CDYL2: variants seen among roughly 807,000 people sequenced by gnomAD.
The protein encoded by CDYL2 is chromodomain Y-like protein 2.
In CDYL2, 23 loss-of-function variants were observed where a neutral mutation model predicts 49.4. The ratio of observed to expected loss-of-function variants is 0.47; its 90% CI spans 0.34 to 0.66. The LOEUF (loss-of-function observed/expected upper bound fraction) is 0.66, where lower values mean the gene tolerates loss of function less well. CDYL2 is among the 30% of genes least tolerant of loss of function. CDYL2 has a pLI of 0.01. For synonymous variants in CDYL2, 360 were observed against 268.8 expected, an observed-to-expected ratio of 1.34 and a Z score of -3.32; for missense variants, 678 against 656.4, an observed-to-expected ratio of 1.03 and a Z score of -0.36.
chr16:80,699,830 G>C (rs11644727), intron 1 of CDYL2, among the ~76,000 whole-genome samples: 43,845 of 151,914 alleles, frequency 0.29, 7,923 homozygotes, highest in Middle Eastern at 0.51. Flanking sequence ...AGGTTGAAAG[G>C]TATGTGGAAA....
At chr16:80,651,575 G>A (rs899857271) in intron 2 of CDYL2, among the ~76,000 whole-genome samples, 1 of 152,126 alleles carries the variant, frequency 6.6e-6, no homozygotes, top group Non-Finnish European at 1.5e-5. Flanking sequence ...CACAGAGAGC[G>A]AATTTAAAAG....
rs570107004 is a variant in CDYL2 at position 80,670,478 on chromosome 16, G to A, written c.616+14060C>T. ...GAGGCCTCCACAGCCCTGGGGAACC[G>A]TGAGTCAATTAAACCTCTTTCCTTT... On this transcript the variant is annotated intron_variant, in intron 2 of 6. Coordinates refer to ENST00000570137, the MANE Select transcript of CDYL2 (RefSeq NM_152342.4). Among the ~76,000 whole-genome samples the A allele has an allele frequency of 2.2e-3, 341 of 152,226 alleles. 2 individuals carry two copies. Among genetic ancestry groups the A allele is most frequent in the African/African-American group, 7.8e-3 (324 of 41,536 alleles).
At chr16:80,625,479 T>A (rs1207766231) in intron 3 of CDYL2, among the ~76,000 whole-genome samples, 1 of 152,216 alleles carries the variant, frequency 6.6e-6, no homozygotes, top group Non-Finnish European at 1.5e-5. Flanking sequence ...TAATTGTATA[T>A]CTGAAACCTT....
chr16:80,736,299 C>T (rs1414739569), intron 1 of CDYL2: 1 of 152,230 alleles, frequency 6.6e-6, no homozygotes, highest in Non-Finnish European at 1.5e-5. Context: ...CGATACGTAA[C>T]CATCATGCAC....
intron 5 of CDYL2, among the ~76,000 whole-genome samples, chr16:80,610,806 G>C (rs1445176973): frequency 2.0e-5 from 3 of 152,106 alleles, no homozygotes; most frequent in African/African-American, 7.2e-5. Flanking sequence ...GTCACCTAAG[G>C]GGTGCTTCTC....
intron 2 of CDYL2, among the ~76,000 whole-genome samples, chr16:80,640,096 T>C (rs1035378903): frequency 6.6e-6 from 1 of 152,102 alleles, no homozygotes; most frequent in African/African-American, 2.4e-5. Flanking sequence ...CCAGAGCCAG[T>C]AGACTCAGGG....
At chr16:80,677,349 T>C (rs1448006925) in intron 2 of CDYL2, among the ~76,000 whole-genome samples, 1 of 152,206 alleles carries the variant, frequency 6.6e-6, no homozygotes, top group Non-Finnish European at 1.5e-5. Flanking sequence ...TATTTCTCTA[T>C]GGAAGTGATG....
At chr16:80,630,539 A>G (rs1161050760) in intron 3 of CDYL2, among the ~76,000 whole-genome samples, 3 of 152,184 alleles carry the variant, frequency 2.0e-5, no homozygotes, top group Non-Finnish European at 2.9e-5. Flanking sequence ...CAGGTGTATA[A>G]ACATATGAAG....
chr16:80,608,336 G>C, intron 5 of CDYL2, 101 bp from the exon 6 acceptor site: 1 of 1,301,204 alleles, frequency 7.7e-7, no homozygotes, highest in South Asian at 1.6e-5. Flanking sequence ...AGTTCTGGAA[G>C]GCATCTTGCC....
At chr16:80,619,573 T>C (rs772313195) in intron 4 of CDYL2, among the ~76,000 whole-genome samples, 3 of 152,114 alleles carry the variant, frequency 2.0e-5, no homozygotes, top group Admixed American at 1.3e-4. Context: ...ACGCTGGAAA[T>C]CCTGTGGTCC....
intron 1 of CDYL2, among the ~76,000 whole-genome samples, chr16:80,697,585 G>A (rs1360192067): frequency 6.6e-6 from 1 of 152,084 alleles, no homozygotes; most frequent in Non-Finnish European, 1.5e-5. Flanking sequence ...AATTTCACAA[G>A]ATAAAGAAAT....
At chr16:80,657,123 C>A (rs376772238) in intron 2 of CDYL2, among the ~76,000 whole-genome samples, 2 of 152,278 alleles carry the variant, frequency 1.3e-5, no homozygotes, top group South Asian at 4.2e-4. Flanking sequence ...AGACAGCTCA[C>A]GCTTAGAAAA....
At chr16:80,637,819 T>G (rs949107955) in intron 2 of CDYL2, among the ~76,000 whole-genome samples, 2 of 152,252 alleles carry the variant, frequency 1.3e-5, no homozygotes, top group Non-Finnish European at 2.9e-5. Context: ...TTACCCTGAT[T>G]ACCCTGATTT....
chr16:80,698,956 A>G (rs913130963), intron 1 of CDYL2, among the ~76,000 whole-genome samples: 5 of 152,340 alleles, frequency 3.3e-5, no homozygotes, highest in Middle Eastern at 3.4e-3. Context: ...CAAAACCACA[A>G]TGAGATAACA....
intron 1 of CDYL2, among the ~76,000 whole-genome samples, chr16:80,750,196 G>A (rs1000567752): frequency 4.0e-5 from 6 of 151,708 alleles, no homozygotes; most frequent in Middle Eastern, 3.2e-3. Context: ...TAACAAACCT[G>A]CACATGTACC....
rs192004604 is a variant in CDYL2, at chr16:80,647,346, T to C, written c.617-14110A>G. 2.0e-3 allele frequency among the ~76,000 whole-genome samples: 300 copies of C among 151,936 alleles called. 2 individuals are homozygous for C. The highest frequency in any genetic ancestry group is 3.3e-3 in the Admixed American group (50 of 15,262). On this transcript the variant is annotated intron_variant, in intron 2 of 6. Transcript: ENST00000570137. ...ATACCAATAATATTCTTCACAGAAA[T>C]AGAAAAAAACAAAATTTATATGGAA...
At chr16:80,664,566 G>A (rs1909181754) in intron 2 of CDYL2, among the ~76,000 whole-genome samples, 1 of 152,186 alleles carries the variant, frequency 6.6e-6, no homozygotes, top group African/African-American at 2.4e-5. Flanking sequence ...ACATAGTGAG[G>A]GGAAAGCAAA....
chr16:80,724,132 A>C (rs1486530766), intron 1 of CDYL2, among the ~76,000 whole-genome samples: 1 of 150,902 alleles, frequency 6.6e-6, no homozygotes, highest in Non-Finnish European at 1.5e-5. Flanking sequence ...AGAAAGAAAG[A>C]GGAGATAAAA....
chr16:80,685,000 T>C lies in CDYL2; in HGVS notation c.154A>G (p.Ile52Val), dbSNP rs763782296. The change falls in exon 2 of 7, where the codon ATT becomes GTT. Residue 52 changes from isoleucine (I) to valine (V), a missense_variant. Ile to Val is a conservative substitution (Grantham distance 29, BLOSUM62 3). Around this residue, in one of 3 missense-constraint regions of CDYL2, gnomAD observed 478 missense variants for 427.0 expected, o/e 1.12. Transcript: ENST00000570137. Reference sequence around the variant, plus strand: ...ATGTGCAACCCATTGAATTCATCAATAAACTCCTCACAGTGCAAGAGGTGG... The same window carrying C: ...ATGTGCAACCCATTGAATTCATCAACAAACTCCTCACAGTGCAAGAGGTGG... ...EHHLLHCEEFIDEFNGLHMSK... is the reference protein window; with the variant it reads ...EHHLLHCEEFVDEFNGLHMSK... The C allele has an allele frequency of 1.2e-6, 2 of 1,614,172 alleles. No homozygotes were observed. The highest frequency in any genetic ancestry group is 1.7e-5 in the Admixed American group (1 of 60,016).
Sources: gnomAD v4.1 joint callset for allele counts (sites outside exome capture counted in the v4.1 genomes callset) on GRCh38, gnomAD v4.1.1 for gene constraint, gnomAD v4.1.1 regional missense constraint, MANE v1.5 for transcripts, NCBI Gene and HGNC (gene_info 2026-07-23, HGNC 2026-07-21) for gene names.